SLC66A2: variants seen among roughly 807,000 people sequenced by gnomAD.
SLC66A2 encodes solute carrier family 66 member 2.
Under a neutral mutation model 25.5 loss-of-function variants are expected in SLC66A2, and 23 were observed. The observed-to-expected ratio is 0.90, with a 90% CI of 0.65 to 1.28. The LOEUF is 1.28. SLC66A2 is among the 50% of genes most tolerant of loss of function. The pLI, the probability that SLC66A2 is intolerant of heterozygous loss-of-function variation, is 0.00. For missense variants in SLC66A2, 396 were observed against 373.1 expected, an observed-to-expected ratio of 1.06 and a Z score of -0.51; for synonymous variants, 193 against 166.5, an observed-to-expected ratio of 1.16 and a Z score of -1.23.
chr18:79,930,803 A>G (rs953762650), intron 4 of SLC66A2, among the ~76,000 whole-genome samples: 2 of 152,222 alleles, frequency 1.3e-5, no homozygotes, highest in African/African-American at 4.8e-5. Flanking sequence ...ATAACTCCAT[A>G]ATATATGTTT....
intron 5 of SLC66A2, among the ~76,000 whole-genome samples, chr18:79,911,995 G>A (rs1183875171): frequency 7.0e-6 from 1 of 143,250 alleles, no homozygotes; most frequent in African/African-American, 2.6e-5. Context: ...CGGGAGCAGA[G>A]GGGAGGCAGC....
intron 5 of SLC66A2, among the ~76,000 whole-genome samples, chr18:79,910,352 C>T (rs571153180): frequency 3.6e-5 from 4 of 110,644 alleles, no homozygotes; most frequent in South Asian, 8.1e-4. Context: ...TTCCCCACCA[C>T]CTCACCAGAG....
intron 4 of SLC66A2, among the ~76,000 whole-genome samples, chr18:79,933,575 AC>A (rs2144880214): frequency 6.6e-6 from 1 of 152,368 alleles, no homozygotes; most frequent in South Asian, 2.1e-4. Flanking sequence ...ATGATCAATT[AC>A]ATTTCTATAA....
chr18:79,933,845 CG>C, intron 4 of SLC66A2, 123 bp downstream of exon 4: 4 of 798,958 alleles, frequency 5.0e-6, no homozygotes, highest in Non-Finnish European at 8.4e-6. Flanking sequence ...GCTGTAGACT[CG>C]GCCACGCTTG....
At chr18:79,928,875 G>A (rs746872421) in intron 4 of SLC66A2, among the ~76,000 whole-genome samples, 2 of 152,126 alleles carry the variant, frequency 1.3e-5, no homozygotes, top group Non-Finnish European at 2.9e-5. Flanking sequence ...TGCTCACTGG[G>A]AGAGGTTCCA....
chr18:79,930,120 A>G (rs915120117), intron 4 of SLC66A2: 10 of 149,892 alleles, frequency 6.7e-5, no homozygotes, highest in African/African-American at 2.2e-4. Context: ...CAAATTGCAA[A>G]CCTGATAAAG....
intron 5 of SLC66A2, among the ~76,000 whole-genome samples, chr18:79,913,038 G>A (rs955674717): frequency 2.0e-5 from 3 of 152,168 alleles, no homozygotes; most frequent in African/African-American, 4.8e-5. Context: ...GTAAGAGCTC[G>A]GCTTCTGGAT....
In SLC66A2 at chr18:79,917,606, C is replaced by T. The variant is rs552220628; in HGVS notation, c.608+1578G>A. ...GTCCAGCCGGGGAGCCTACATACGACGCCCGCCCTGAGACCCACTTTCTCT... is the reference window on the plus strand; with the variant it reads ...GTCCAGCCGGGGAGCCTACATACGATGCCCGCCCTGAGACCCACTTTCTCT... On this transcript the variant is annotated intron_variant, in intron 5 of 5. Transcript: ENST00000397778. This position sits in a 1 kb window ranked among gnomAD's most constrained non-coding sequence, Gnocchi z 6.0. 1.4e-4 allele frequency among the ~76,000 whole-genome samples: 21 copies of T among 152,226 alleles called. 1 individual carries two copies. Among genetic ancestry groups the T allele is most frequent in the African/African-American group, 4.1e-4 (17 of 41,536 alleles).
intron 5 of SLC66A2, among the ~76,000 whole-genome samples, chr18:79,913,068 G>C (rs1410301418): frequency 6.6e-6 from 1 of 152,198 alleles, no homozygotes; most frequent in East Asian, 1.9e-4. Context: ...GTCCTGGCTG[G>C]ACAGGGGCAG....
Position 79,918,428 on chromosome 18 carries a change from GGTCCCCAGTGAGGAGCGGGCACCGGGGA to G in SLC66A2, c.608+728_608+755del, listed in dbSNP as rs1242265975. 2.0e-5 allele frequency among the ~76,000 whole-genome samples: 3 copies of G among 149,830 alleles called. No homozygotes were observed. The highest frequency in any genetic ancestry group is 3.0e-5 in the Non-Finnish European group (2 of 67,358). ...CCAGTGAGGAGCGGGCCCGGGGGGG[GGTCCCCAGTGAGGAGCGGGCACCGGGGA>G]GGGTCCCCAGTGAGGAGCGGCACCG... On this transcript the variant is annotated intron_variant, in intron 5 of 5. Coordinates refer to ENST00000397778, the MANE Select transcript of SLC66A2 (RefSeq NM_025078.5). The surrounding 1 kb of genome is among the most constrained non-coding windows in gnomAD (Gnocchi z 4.0).
chr18:79,923,187 G>T (rs1185226333), intron 4 of SLC66A2, among the ~76,000 whole-genome samples: 2 of 144,836 alleles, frequency 1.4e-5, no homozygotes, highest in Admixed American at 6.9e-5. Context: ...GGCTGAGCAG[G>T]ATGGGCTATG....
intron 2 of SLC66A2, among the ~76,000 whole-genome samples, chr18:79,946,197 C>G (rs72984220): frequency 0.17 from 26,335 of 151,912 alleles, 2,466 homozygotes; most frequent in African/African-American, 0.24. Context: ...AATGAAGTGA[C>G]AGGGTGCCCG....
At chr18:79,932,400 T>G (rs1986656970) in intron 4 of SLC66A2, among the ~76,000 whole-genome samples, 1 of 151,250 alleles carries the variant, frequency 6.6e-6, no homozygotes, top group South Asian at 2.1e-4. Flanking sequence ...AAACACAGAA[T>G]AGAAAAACAA....
chr18:79,903,725 T>A lies in SLC66A2; in HGVS notation c.*251A>T. The A allele has an allele frequency of 7.8e-6, 4 of 513,524 alleles. No individual in the cohort carries two copies. The highest frequency in any genetic ancestry group is 1.4e-5 in the Non-Finnish European group (4 of 295,134). 31.8% of individuals were successfully genotyped at this position (513,524 alleles called of 1,614,324 possible). On this transcript the variant is annotated 3_prime_UTR_variant, in exon 6 of 6. Transcript: ENST00000397778. The stretch of plus-strand genomic sequence containing the variant: ...AAATGGGGAAAACACTTGCTTTTTA[T>A]GTCATCCTAAAAACATCCAAAACCC...
At chr18:79,933,944 G>A in intron 4 of SLC66A2, 25 bp downstream of exon 4, 1 of 1,604,148 alleles carries the variant, frequency 6.2e-7, no homozygotes, top group South Asian at 1.1e-5. Flanking sequence ...ACGTGCTGCG[G>A]ACAGTGCACG....
In SLC66A2 at chr18:79,925,566, G is replaced by A. The variant is rs575524049; in HGVS notation, c.392-6166C>T. 5.3e-5 allele frequency among the ~76,000 whole-genome samples: 8 copies of A among 152,356 alleles called. No homozygotes were observed. The South Asian group carries it at 1.7e-3, about 32-fold the overall frequency. On this transcript the variant is annotated intron_variant, in intron 4 of 5. Transcript: ENST00000397778. Reference sequence around the variant, plus strand: ...TGATCCTCAGAAGCTTCCGTCGCACGGGCGTGGCTGCCCTCAACTCACAGA... The same window carrying A: ...TGATCCTCAGAAGCTTCCGTCGCACAGGCGTGGCTGCCCTCAACTCACAGA...
At chr18:79,926,974 C>T (rs1986027678) in intron 4 of SLC66A2, among the ~76,000 whole-genome samples, 1 of 152,212 alleles carries the variant, frequency 6.6e-6, no homozygotes, top group Non-Finnish European at 1.5e-5. Flanking sequence ...CCCACTTTAA[C>T]TCTGTGACTG....
Position 79,943,316 on chromosome 18 carries a change from G to C in SLC66A2, c.337+13C>G. ...ATTCCCTGCGACTTTATTCCGAAGC[G>C]CCGGCCACCAACCTGTAAAGGAGCG... On this transcript the variant is annotated intron_variant, in intron 3 of 5. Coordinates refer to ENST00000397778, the MANE Select transcript of SLC66A2 (RefSeq NM_025078.5). The C allele has an allele frequency of 1.2e-6, 2 of 1,612,860 alleles. No individual in the cohort carries two copies. Among genetic ancestry groups the C allele is most frequent in the South Asian group, 1.1e-5 (1 of 90,956 alleles).
chr18:79,930,530 G>T (rs989700208), intron 4 of SLC66A2, among the ~76,000 whole-genome samples: 1 of 152,148 alleles, frequency 6.6e-6, no homozygotes, highest in Non-Finnish European at 1.5e-5. Context: ...AGACAATGAT[G>T]TAAGTTATTA....
Sources: allele counts gnomAD v4.1 joint callset (sites outside exome capture counted in the v4.1 genomes callset), GRCh38; gene constraint gnomAD v4.1.1; non-coding constraint Gnocchi (gnomAD v3.1); transcripts MANE v1.5; gene names NCBI Gene and HGNC (gene_info 2026-07-23, HGNC 2026-07-21).